Variants in PRSS53 observed in about 807,000 individuals in gnomAD.
PRSS53 encodes EDTP308.
In PRSS53, 54 loss-of-function variants were observed where a neutral mutation model predicts 62.7. That is an observed-to-expected ratio of 0.86 (90% confidence interval 0.69 to 1.08). The LOEUF (loss-of-function observed/expected upper bound fraction) is 1.08, where lower values mean the gene tolerates loss of function less well. Ranked by LOEUF, PRSS53 falls within the 50% of genes least tolerant of loss-of-function variation. The pLI, the probability that PRSS53 is intolerant of heterozygous loss-of-function variation, is 0.00. For synonymous variants in PRSS53, 273 were observed against 300.0 expected (o/e 0.91, Z 0.93); for missense variants, 688 against 728.3 (o/e 0.94, Z 0.64).
At chr16:31,083,625 G>A in exon 11 of PRSS53, 5 of 1,509,660 alleles carry the variant, frequency 3.3e-6, no homozygotes, top group South Asian at 2.6e-5. Flanking sequence ...CCTGCAGGGT[G>A]GGGAGTGGGC....
At chr16:31,087,681 G>C in exon 3 of PRSS53, 2 of 1,612,362 alleles carry the variant, frequency 1.2e-6, no homozygotes, top group Non-Finnish European at 1.7e-6. Context: ...GGGGGGGCCG[G>C]GGCCACGCTG....
At chr16:31,085,365 G>A in intron 6 of PRSS53, 105 bp from the exon 7 acceptor site, 1 of 1,312,470 alleles carries the variant, frequency 7.6e-7, no homozygotes, top group African/African-American at 1.5e-5. Flanking sequence ...CCTCATTACT[G>A]AAGGTAACCA....
chr16:31,087,752 C>T (rs201411147), intron 2 of PRSS53, 53 bp from the exon 3 acceptor site: 127 of 1,614,026 alleles, frequency 7.9e-5, no homozygotes, highest in Non-Finnish European at 9.9e-5. Flanking sequence ...TGACCTCACC[C>T]CAGTCCCAAC....
chr16:31,084,354 C>T lies in PRSS53; in HGVS notation c.1426-19G>A, dbSNP rs753112459. 6.2e-6 allele frequency: 10 copies of T among 1,601,622 alleles called. No individual in the cohort carries two copies. The highest frequency in any genetic ancestry group is 1.3e-5 in the African/African-American group (1 of 74,808). On this transcript the variant is annotated intron_variant, in intron 9 of 10. Coordinates refer to ENST00000280606, the Ensembl canonical transcript of PRSS53. Reference sequence around the variant, plus strand: ...ACAGGCCCTGTCAGGGGTCAGGTGACACTGGGTGACTTTTTATAGGCAGCT... The same window carrying T: ...ACAGGCCCTGTCAGGGGTCAGGTGATACTGGGTGACTTTTTATAGGCAGCT...
intron 1 of PRSS53, 93 bp downstream of exon 1, chr16:31,088,659 G>A (rs181691182): frequency 5.0e-6 from 8 of 1,592,412 alleles, no homozygotes; most frequent in Middle Eastern, 2.2e-4. Context: ...GCCCACAGGC[G>A]GTCCCCCCAC....
exon 9 of PRSS53, chr16:31,084,595 A>G: frequency 6.2e-7 from 1 of 1,606,816 alleles, no homozygotes; most frequent in South Asian, 1.1e-5. Flanking sequence ...ACTGGTACAC[A>G]CCATCCCCGG....
intron 9 of PRSS53, 58 bp from the exon 10 acceptor site, chr16:31,084,393 G>A: frequency 2.6e-6 from 4 of 1,541,226 alleles, no homozygotes; most frequent in East Asian, 2.3e-5. Context: ...CAGGACGGTA[G>A]AGCAGGCTAG....
exon 10 of PRSS53, chr16:31,084,140 C>T: frequency 2.5e-6 from 4 of 1,587,730 alleles, no homozygotes; most frequent in Non-Finnish European, 3.4e-6. Context: ...AGGCAGCTTC[C>T]AGGCTCAGCC....
At chr16:31,087,614 C>T (rs1218273942) in exon 3 of PRSS53, 4 of 1,610,674 alleles carry the variant, frequency 2.5e-6, no homozygotes, top group African/African-American at 1.3e-5. Context: ...CTCCTTGCCT[C>T]CTCACACTGG....
rs1479252039 is a variant in PRSS53 at position 31,087,536 on chromosome 16, C to G, written c.242+1G>C. On this transcript the variant is annotated splice_donor_variant, in intron 3 of 10. Coordinates refer to ENST00000280606, the Ensembl canonical transcript of PRSS53. LOFTEE classifies it high-confidence loss of function. ...CCTGCCTGACCCCAGCCATGACTTACTTTTCAAAGCAGTGGGCAGCAGTGA... is the reference window on the plus strand; with the variant it reads ...CCTGCCTGACCCCAGCCATGACTTAGTTTTCAAAGCAGTGGGCAGCAGTGA... 1 of 1,612,176 alleles carries G rather than the reference C, an allele frequency of 6.2e-7. No individual in the cohort carries two copies. The highest frequency in any genetic ancestry group is 1.1e-5 in the South Asian group (1 of 90,768).
chr16:31,083,804 G>T, exon 11 of PRSS53: 1 of 1,614,072 alleles, frequency 6.2e-7, no homozygotes, highest in Non-Finnish European at 8.5e-7. Context: ...CAGCTGGTTG[G>T]TTGGCCTGTG....
chr16:31,088,907 T>C, exon 1 of PRSS53: 1 of 1,558,570 alleles, frequency 6.4e-7, no homozygotes, highest in Non-Finnish European at 8.7e-7. Context: ...TGGCTAGGAT[T>C]CAGCTGTCTG....
In PRSS53 at chr16:31,084,801, C is replaced by T. The variant is rs1274237490; in HGVS notation, c.1258G>A (p.Gly420Arg). The change falls in exon 8 of 11, where the codon GGA becomes AGA. Residue 420 changes from glycine to arginine, a missense_variant. By Grantham distance (125) the Gly-to-Arg change is moderately radical. Transcript: ENST00000280606. ...CTACCTGCTCCTGGGCGGGCCCGTC[C>T]CAGAACCCAGCCACGCTCCCCATCA... 6.5e-7 allele frequency: 1 copy of T among 1,546,274 alleles called. No individual in the cohort carries two copies. Among genetic ancestry groups the T allele is most frequent in the Non-Finnish European group, 8.8e-7 (1 of 1,142,328 alleles).
In PRSS53 at chr16:31,083,819, A is replaced by G; in HGVS notation, c.1643-10T>C. ...CAGCTGGTTGGTTGGCCTGTGGGGAAGGAAGGAGGGTGGAGTTGTCCTCAT... is the reference window on the plus strand; with the variant it reads ...CAGCTGGTTGGTTGGCCTGTGGGGAGGGAAGGAGGGTGGAGTTGTCCTCAT... On this transcript the variant is annotated splice_polypyrimidine_tract_variant and intron_variant, in intron 10 of 10. Transcript: ENST00000280606. 1.2e-6 allele frequency: 2 copies of G among 1,613,960 alleles called. No homozygotes were observed. Among genetic ancestry groups the G allele is most frequent in the Middle Eastern group, 1.7e-4 (1 of 6,038 alleles).
intron 1 of PRSS53, 149 bp from the exon 2 acceptor site, chr16:31,087,975 A>G (rs1434188297): frequency 2.0e-6 from 3 of 1,533,782 alleles, no homozygotes; most frequent in Non-Finnish European, 2.6e-6. Flanking sequence ...AAATATTTAT[A>G]TGAGGCCGAG....
exon 8 of PRSS53, chr16:31,084,994 C>G (rs1352843402): frequency 6.3e-7 from 1 of 1,580,320 alleles, no homozygotes. Flanking sequence ...TGGTCCCCAG[C>G]CCTACGCTCC....
chr16:31,087,758 C>T, intron 2 of PRSS53, 48 bp downstream of exon 2: 1 of 1,614,146 alleles, frequency 6.2e-7, no homozygotes, highest in African/African-American at 1.3e-5. Context: ...CACCCCAGTC[C>T]CAACCCAGAC....
At chr16:31,083,518 C>A in exon 11 of PRSS53, 2 of 1,358,796 alleles carry the variant, frequency 1.5e-6, no homozygotes, top group Non-Finnish European at 1.9e-6. Flanking sequence ...AACAACGTGG[C>A]TGGCGTGATT....
chr16:31,087,773 G>T (rs1567418211), intron 2 of PRSS53, 33 bp downstream of exon 2: 2 of 1,614,036 alleles, frequency 1.2e-6, no homozygotes, highest in African/African-American at 2.7e-5. Flanking sequence ...CCAGACCCAA[G>T]TAAGACCTAG....
Sources: allele counts gnomAD v4.1 joint callset, GRCh38; gene constraint gnomAD v4.1.1; transcripts MANE v1.5; gene names NCBI Gene and HGNC (gene_info 2026-07-23, HGNC 2026-07-21).